DNAH7: variants seen among roughly 807,000 people sequenced by gnomAD.
DNAH7 encodes dynein axonemal heavy chain 7.
A neutral mutation model predicts 444.6 loss-of-function variants in DNAH7; 397 were observed. That is an observed-to-expected ratio of 0.89 (90% confidence interval 0.82 to 0.97). The LOEUF is 0.97. DNAH7 is among the 50% of genes least tolerant of loss of function. The pLI, the probability that DNAH7 is intolerant of heterozygous loss-of-function variation, is 0.00. For synonymous variants in DNAH7, 1,636 were observed against 1,624.4 expected, an observed-to-expected ratio of 1.01 and a Z score of -0.17; for missense variants, 4,902 against 4,800.8, an observed-to-expected ratio of 1.02 and a Z score of -0.62.
At chr2:195,911,075 T>C (rs1368261153) in intron 24 of DNAH7, among the ~76,000 whole-genome samples, 2 of 152,296 alleles carry the variant, frequency 1.3e-5, no homozygotes, top group South Asian at 2.1e-4. Context: ...CAATCACTAC[T>C]AAAACCAGCT....
At chr2:195,757,908 C>T (rs1694162397) in intron 61 of DNAH7, among the ~76,000 whole-genome samples, 1 of 152,166 alleles carries the variant, frequency 6.6e-6, no homozygotes, top group Non-Finnish European at 1.5e-5. Context: ...GCATTGCCTA[C>T]CTTGAATATA....
At chr2:195,814,668 A>G (rs1027958667) in intron 51 of DNAH7, among the ~76,000 whole-genome samples, 5 of 152,228 alleles carry the variant, frequency 3.3e-5, no homozygotes, top group Non-Finnish European at 1.5e-5. Flanking sequence ...AATTAAGACC[A>G]GTAGTGAAAA....
intron 57 of DNAH7, among the ~76,000 whole-genome samples, chr2:195,792,789 G>A (rs937812974): frequency 1.3e-5 from 2 of 152,022 alleles, no homozygotes; most frequent in East Asian, 3.9e-4. Flanking sequence ...TGCACCTGAT[G>A]TGGGGGCAGG....
At chr2:195,928,155 A>G (rs1012897404) in intron 21 of DNAH7, among the ~76,000 whole-genome samples, 2 of 152,104 alleles carry the variant, frequency 1.3e-5, no homozygotes, top group African/African-American at 4.8e-5. Context: ...GCTCCCACTT[A>G]TAAGTGAGAA....
At chr2:195,789,945 C>T (rs977774211) in intron 57 of DNAH7, among the ~76,000 whole-genome samples, 12 of 152,148 alleles carry the variant, frequency 7.9e-5, no homozygotes, top group Non-Finnish European at 7.4e-5. Flanking sequence ...TGCCAAAAGA[C>T]TCTTAGAACT....
rs988388581 is a variant in DNAH7, at chr2:195,895,199, C to A, written c.4673G>T (p.Gly1558Val). 1.9e-6 allele frequency: 3 copies of A among 1,607,856 alleles called. No individual in the cohort carries two copies. The highest frequency in any genetic ancestry group is 2.7e-5 in the African/African-American group (2 of 74,864). The change falls in exon 30 of 65, where the codon GGG becomes GTG. Residue 1558 changes from glycine to valine, a missense_variant. Gly to Val is a moderately radical substitution (Grantham distance 109, BLOSUM62 -3). Coordinates refer to ENST00000312428, the MANE Select transcript of DNAH7 (RefSeq NM_018897.3). ...FEGITSDLFP[G>V]VKLPKPDYND... ...GTAATCTGGTTTTGGTAATTTTACCCCAGGAAACAAATCCGAAGTAATTCC... is the reference window on the plus strand; with the variant it reads ...GTAATCTGGTTTTGGTAATTTTACCACAGGAAACAAATCCGAAGTAATTCC...
intron 19 of DNAH7, among the ~76,000 whole-genome samples, chr2:195,939,206 A>G (rs1355289541): frequency 6.6e-6 from 1 of 152,250 alleles, no homozygotes; most frequent in East Asian, 1.9e-4. Context: ...TGTCTGTTAG[A>G]AAGAGTGCAG....
chr2:196,051,970 CG>C (rs1329024917), intron 2 of DNAH7, among the ~76,000 whole-genome samples: 2 of 152,136 alleles, frequency 1.3e-5, no homozygotes, highest in Non-Finnish European at 2.9e-5. Context: ...CTAGTCTGTA[CG>C]TAAGTCCTGG....
chr2:196,064,348 TAATAAATAATA>T (rs1254805749), intron 1 of DNAH7, among the ~76,000 whole-genome samples: 1 of 33,978 alleles, frequency 2.9e-5, no homozygotes, highest in African/African-American at 5.4e-5. Flanking sequence ...AATAAATAAA[TAATAAATAATA>T]AATAAATAAT....
intron 59 of DNAH7, among the ~76,000 whole-genome samples, chr2:195,776,325 C>T (rs778457974): frequency 2.0e-5 from 3 of 152,034 alleles, no homozygotes; most frequent in Non-Finnish European, 2.9e-5. Flanking sequence ...CACCTGTGAT[C>T]CCAGCTACTC....
chr2:195,897,321 T>C (rs1702377726), intron 29 of DNAH7, among the ~76,000 whole-genome samples: 1 of 152,190 alleles, frequency 6.6e-6, no homozygotes, highest in South Asian at 2.1e-4. Context: ...TGAACAAGCA[T>C]TTACTATATC....
At chr2:195,817,096 G>T in intron 50 of DNAH7, 133 bp from the exon 51 acceptor site, 1 of 650,222 alleles carries the variant, frequency 1.5e-6, no homozygotes, top group Non-Finnish European at 2.6e-6. Flanking sequence ...ATCTGTAATG[G>T]TGATGCCTTA....
At chr2:195,973,951 G>T (rs1191100478) in intron 15 of DNAH7, among the ~76,000 whole-genome samples, 1 of 151,950 alleles carries the variant, frequency 6.6e-6, no homozygotes, top group East Asian at 1.9e-4. Flanking sequence ...GGTGGCAGGC[G>T]CCAGTAATCC....
chr2:195,929,084 C>T (rs975777337), intron 21 of DNAH7, among the ~76,000 whole-genome samples: 1 of 151,990 alleles, frequency 6.6e-6, no homozygotes, highest in Non-Finnish European at 1.5e-5. Flanking sequence ...CAATAATGTT[C>T]AAGCTGAGAG....
rs111257903 is a variant in DNAH7 at position 195,929,070 on chromosome 2, A to G, written c.3472-2504T>C. ...GTACAAAAATCGGTAACATTTCTATACCCCAATAATGTTCAAGCTGAGAGC... is the reference window on the plus strand; with the variant it reads ...GTACAAAAATCGGTAACATTTCTATGCCCCAATAATGTTCAAGCTGAGAGC... On this transcript the variant is annotated intron_variant, in intron 21 of 64. Coordinates refer to ENST00000312428, the MANE Select transcript of DNAH7 (RefSeq NM_018897.3). 1.4e-3 allele frequency among the ~76,000 whole-genome samples: 211 copies of G among 152,208 alleles called. 1 individual carries two copies. The highest frequency in any genetic ancestry group is 4.1e-3 in the South Asian group (20 of 4,820).
chr2:196,067,453 T>C (rs1698488569), intron 1 of DNAH7, among the ~76,000 whole-genome samples: 2 of 68,620 alleles, frequency 2.9e-5, no homozygotes, highest in South Asian at 2.2e-3. Flanking sequence ...TGGTTACTTG[T>C]ATCTGAACTT....
chr2:195,942,644 T>A (rs142376782), intron 19 of DNAH7, among the ~76,000 whole-genome samples: 1 of 152,278 alleles, frequency 6.6e-6, no homozygotes, highest in South Asian at 2.1e-4. Context: ...CCCTGGACAC[T>A]GAGATTACTT....
At chr2:196,067,073 C>T (rs953829981) in intron 1 of DNAH7, among the ~76,000 whole-genome samples, 21 of 152,160 alleles carry the variant, frequency 1.4e-4, no homozygotes, top group Non-Finnish European at 2.9e-4. Flanking sequence ...CACAACCTTT[C>T]TGGAGGGGGA....
intron 1 of DNAH7, among the ~76,000 whole-genome samples, chr2:196,067,174 CT>C (rs1698474487): frequency 6.6e-6 from 1 of 151,966 alleles, no homozygotes; most frequent in Non-Finnish European, 1.5e-5. Flanking sequence ...TTTGTGGATA[CT>C]TTTTAGTTGT....
Sources: gnomAD v4.1 joint callset for allele counts (sites outside exome capture counted in the v4.1 genomes callset) on GRCh38, gnomAD v4.1.1 for gene constraint, MANE v1.5 for transcripts, NCBI Gene and HGNC (gene_info 2026-07-23, HGNC 2026-07-21) for gene names.